The following LRBA variants were observed in gnomAD, a reference collection of about 807,000 sequenced individuals.
The protein encoded by LRBA is lipopolysaccharide-responsive and beige-like anchor protein.
In LRBA, 176 loss-of-function variants were observed where a neutral mutation model predicts 330.0. The ratio of observed to expected loss-of-function variants is 0.53; its 90% confidence interval spans 0.47 to 0.60. The LOEUF (loss-of-function observed/expected upper bound fraction) is 0.60. LRBA is among the 20% of genes least tolerant of loss of function. LRBA has a pLI of 0.00. For synonymous variants in LRBA, 1,230 were observed against 1,193.0 expected (o/e 1.03, Z -0.64); for missense variants, 3,259 against 3,444.8 (o/e 0.95, Z 1.35).
Position 150,687,076 on chromosome 4 carries a change from C to G in LRBA, c.5755-3359G>C, listed in dbSNP as rs369153155. ...TATCAATCTCTGTCTCTTTGTGGAA[C>G]CTTAGGGTCACATCTGACCTAAAAA... On this transcript the variant is annotated intron_variant, in intron 36 of 56. Coordinates refer to ENST00000651943, the MANE Select transcript of LRBA (RefSeq NM_001364905.1). 5.9e-5 allele frequency among the ~76,000 whole-genome samples: 9 copies of G among 152,106 alleles called. No individual in the cohort carries two copies. The East Asian group carries it at 1.5e-3, about 26-fold the overall frequency.
Position 150,969,428 on chromosome 4 carries a change from G to C in LRBA, c.217-40363C>G, listed in dbSNP as rs1263139964. Reference sequence around the variant, plus strand: ...GATTCCAGACCCCATGGATGACTTTGAGAGGTTCAAGACTTCCATGGAGGA... The same window carrying C: ...GATTCCAGACCCCATGGATGACTTTCAGAGGTTCAAGACTTCCATGGAGGA... On this transcript the variant is annotated intron_variant, in intron 2 of 56. Coordinates refer to ENST00000651943, the MANE Select transcript of LRBA (RefSeq NM_001364905.1). Among the ~76,000 whole-genome samples the C allele has an allele frequency of 2.0e-5, 3 of 152,180 alleles. No individual in the cohort carries two copies. The East Asian group carries it at 5.8e-4, about 29-fold the overall frequency.
intron 4 of LRBA, 70 bp from the exon 5 acceptor site, chr4:150,921,363 T>A: frequency 1.1e-6 from 1 of 894,762 alleles, no homozygotes; most frequent in East Asian, 2.4e-5. Flanking sequence ...ATCTTTAATA[T>A]AGTCTTGCTG....
chr4:150,304,491 A>G (rs956201880), intron 52 of LRBA, among the ~76,000 whole-genome samples: 1 of 145,760 alleles, frequency 6.9e-6, no homozygotes, highest in African/African-American at 2.4e-5. Context: ...TGCAAAACTA[A>G]TATAGTACTT....
At chr4:150,478,830 T>C (rs1756993595) in intron 42 of LRBA, among the ~76,000 whole-genome samples, 1 of 152,202 alleles carries the variant, frequency 6.6e-6, no homozygotes, top group African/African-American at 2.4e-5. Context: ...TACTAATCAC[T>C]ACTACAACAC....
At chr4:150,963,162 C>T (rs911526766) in intron 2 of LRBA, among the ~76,000 whole-genome samples, 2 of 148,428 alleles carry the variant, frequency 1.3e-5, no homozygotes, top group Admixed American at 1.3e-4. Flanking sequence ...CTCCCTCTCA[C>T]TCTGCCTCTC....
At chr4:150,356,006 A>G (rs1737792659) in intron 47 of LRBA, among the ~76,000 whole-genome samples, 1 of 152,110 alleles carries the variant, frequency 6.6e-6, no homozygotes, top group Non-Finnish European at 1.5e-5. Flanking sequence ...TTGGATTTCA[A>G]ACACTAGTGG....
In LRBA at chr4:150,915,728, C is replaced by A; in HGVS notation, c.895-1G>T. 1 of 1,582,194 alleles carries A rather than the reference C, an allele frequency of 6.3e-7. No individual in the cohort carries two copies. Among genetic ancestry groups the A allele is most frequent in the South Asian group, 1.2e-5 (1 of 84,158 alleles). ...TGTGTACTATGGTAACCATATACCA[C>A]TGCAGAAGCAAAAAACAGTTAAAAA... On this transcript the variant is annotated splice_acceptor_variant, in intron 7 of 56. Coordinates refer to ENST00000651943, the MANE Select transcript of LRBA (RefSeq NM_001364905.1). LOFTEE classifies it high-confidence loss of function.
intron 48 of LRBA, among the ~76,000 whole-genome samples, chr4:150,332,650 A>G (rs142543368): frequency 4.7e-3 from 134 of 28,732 alleles, no homozygotes; most frequent in African/African-American, 0.015. Context: ...AAAATATTAT[A>G]TTAAAACATT....
chr4:150,694,111 G>A (rs554372751), intron 36 of LRBA, among the ~76,000 whole-genome samples: 13 of 152,050 alleles, frequency 8.5e-5, no homozygotes, highest in Non-Finnish European at 1.6e-4. Context: ...CCTCCTCCCT[G>A]TTTGGTCAGC....
chr4:151,009,013 A>G (rs1744490184), intron 2 of LRBA, among the ~76,000 whole-genome samples: 2 of 40,448 alleles, frequency 4.9e-5, no homozygotes, highest in Non-Finnish European at 9.9e-5. Context: ...ATATATATAT[A>G]TATATATATA....
At chr4:150,921,504 A>C (rs1051910936) in intron 4 of LRBA, among the ~76,000 whole-genome samples, 1 of 152,202 alleles carries the variant, frequency 6.6e-6, no homozygotes, top group African/African-American at 2.4e-5. Context: ...TTAGGTATTC[A>C]ATAAATATGA....
rs114181767 is a variant in LRBA, at chr4:150,620,446, C to T, written c.5922-21315G>A. 6.2e-3 allele frequency among the ~76,000 whole-genome samples: 942 copies of T among 152,256 alleles called. 13 individuals carry two copies. Among genetic ancestry groups the T allele is most frequent in the African/African-American group, 0.021 (891 of 41,552 alleles). On this transcript the variant is annotated intron_variant, in intron 37 of 56. Transcript: ENST00000651943. ...GGTCTACCATTCAATCAAGCAATCA[C>T]ACTACTGGGTATCTATCTGAAGGGA...
At chr4:150,828,029 T>G (rs1410737690) in intron 30 of LRBA, 151 bp downstream of exon 30, 3 of 633,398 alleles carry the variant, frequency 4.7e-6, no homozygotes, top group African/African-American at 3.7e-5. Flanking sequence ...GTAAAGTTTC[T>G]GATCAACATA....
At chr4:150,285,415 C>T (rs1055081626) in intron 54 of LRBA, among the ~76,000 whole-genome samples, 9 of 152,204 alleles carry the variant, frequency 5.9e-5, no homozygotes, top group African/African-American at 2.2e-4. Context: ...AACCTCCAGG[C>T]AAACCAGCTT....
chr4:150,872,298 C>G (rs1306999907), intron 18 of LRBA, among the ~76,000 whole-genome samples: 1 of 152,116 alleles, frequency 6.6e-6, no homozygotes, highest in Non-Finnish European at 1.5e-5. Flanking sequence ...TTGAGTTACG[C>G]ATACAGCAGA....
intron 36 of LRBA, among the ~76,000 whole-genome samples, chr4:150,720,241 A>C (rs945094019): frequency 1.9e-4 from 29 of 152,194 alleles, no homozygotes; most frequent in African/African-American, 6.8e-4. Context: ...CCAATCAATC[A>C]ACAAATAAGT....
chr4:150,652,759 C>T (rs1325681962), intron 37 of LRBA, among the ~76,000 whole-genome samples: 2 of 152,180 alleles, frequency 1.3e-5, no homozygotes, highest in Non-Finnish European at 2.9e-5. Context: ...AGACTAACCA[C>T]ATTTGAAGTG....
intron 2 of LRBA, among the ~76,000 whole-genome samples, chr4:150,979,222 G>A (rs1740564234): frequency 6.6e-6 from 1 of 152,188 alleles, no homozygotes; most frequent in Non-Finnish European, 1.5e-5. Context: ...AAAGCCACAT[G>A]AGAGTGGCAT....
chr4:150,880,423 G>A (rs1296175), intron 17 of LRBA, among the ~76,000 whole-genome samples: 27,020 of 151,896 alleles, frequency 0.18, 3,078 homozygotes, highest in Non-Finnish European at 0.25. Context: ...GGGAGGCCAA[G>A]GTGGGAAGAT....
Sources: gnomAD v4.1 joint callset for allele counts (sites outside exome capture counted in the v4.1 genomes callset) on GRCh38, gnomAD v4.1.1 for gene constraint, MANE v1.5 for transcripts, NCBI Gene and HGNC (gene_info 2026-07-23, HGNC 2026-07-21) for gene names.